Variants in CUBN observed in about 807,000 individuals in gnomAD.
The protein encoded by CUBN is cubilin.
A neutral mutation model predicts 405.3 loss-of-function variants in CUBN; 282 were observed. That is an observed-to-expected ratio of 0.70 (90% CI 0.63 to 0.77). CUBN has a LOEUF of 0.77. CUBN is among the 30% of genes least tolerant of loss of function. The pLI is 0.00. For missense variants in CUBN, 4,514 were observed against 4,475.2 expected (o/e 1.01, Z -0.25); for synonymous variants, 1,684 against 1,617.0 (o/e 1.04, Z -0.99).
chr10:16,923,171 T>C (rs1352014737), intron 43 of CUBN, among the ~76,000 whole-genome samples: 1 of 151,978 alleles, frequency 6.6e-6, no homozygotes, highest in Non-Finnish European at 1.5e-5. Context: ...TTTGCTTGTC[T>C]GTCTCCTTTA....
At chr10:16,828,397 C>A (rs1384915215) in intron 66 of CUBN, among the ~76,000 whole-genome samples, 1 of 152,234 alleles carries the variant, frequency 6.6e-6, no homozygotes, top group Non-Finnish European at 1.5e-5. Flanking sequence ...GGCTGTGCTT[C>A]TTCCTCTGCA....
At chr10:17,076,711 C>A (rs725396) in intron 17 of CUBN, among the ~76,000 whole-genome samples, 4,983 of 152,196 alleles carry the variant, frequency 0.033, 243 homozygotes, top group East Asian at 0.19. Context: ...AAAAGTGATA[C>A]ACCAATTTCC....
At chr10:17,054,944 A>T (rs1002604276) in intron 22 of CUBN, among the ~76,000 whole-genome samples, 24 of 152,108 alleles carry the variant, frequency 1.6e-4, no homozygotes, top group African/African-American at 5.8e-4. Context: ...CTAACTAACA[A>T]GACCAATATT....
In CUBN at chr10:16,827,182, G is replaced by A. The variant is rs563776806; in HGVS notation, c.10764+1623C>T. Among the ~76,000 whole-genome samples the A allele has an allele frequency of 2.1e-3, 326 of 152,218 alleles. 2 individuals are homozygous for A. Among genetic ancestry groups the A allele is most frequent in the African/African-American group, 7.0e-3 (292 of 41,554 alleles). ...TGCAAAAAGTTCAAGAGACCTAAATGTCCACTTAGAGGGGCTTCATTAAAT... is the reference window on the plus strand; with the variant it reads ...TGCAAAAAGTTCAAGAGACCTAAATATCCACTTAGAGGGGCTTCATTAAAT... On this transcript the variant is annotated intron_variant, in intron 66 of 66. Transcript: ENST00000377833.
chr10:16,869,848 C>T lies in CUBN; in HGVS notation c.9242G>A (p.Ser3081Asn). ...SDDKVIELKF[S>N]DFDVVPSTSC... Reference sequence around the variant, plus strand: ...GGTGGAGGGAACCACATCAAAATCACTGAACCTGTGAAATGTACCTTGTTA... The same window carrying T: ...GGTGGAGGGAACCACATCAAAATCATTGAACCTGTGAAATGTACCTTGTTA... Residue 3081 changes from serine to asparagine, a missense_variant, in exon 59 of 67, where the codon AGT becomes AAT. By Grantham distance (46) the Ser-to-Asn change is conservative (BLOSUM62 1). This residue lies in a region of CUBN where 1,186 missense variants were observed against 1,186.9 expected (regional missense o/e 1.00). Transcript: ENST00000377833. 1 of 1,608,032 alleles carries T rather than the reference C, an allele frequency of 6.2e-7. No homozygotes were observed. Among genetic ancestry groups the T allele is most frequent in the Non-Finnish European group, 8.5e-7 (1 of 1,174,492 alleles).
At chr10:16,876,775 A>G (rs985807850) in intron 57 of CUBN, 122 bp downstream of exon 57, 8 of 901,468 alleles carry the variant, frequency 8.9e-6, no homozygotes, top group African/African-American at 3.3e-5. Context: ...CTCACTGACA[A>G]TCTTTTTCCC....
rs373020865 is a variant in CUBN, at chr10:16,902,029, G to GTGTA, written c.8063-571_8063-570insTACA. On this transcript the variant is annotated intron_variant, in intron 51 of 66. Coordinates refer to ENST00000377833, the MANE Select transcript of CUBN (RefSeq NM_001081.4). ...TATACACACACACCATATATAGTGT[G>GTGTA]TATATATATATATACACACACCATA... Among the ~76,000 whole-genome samples the GTGTA allele has an allele frequency of 7.2e-4, 86 of 120,090 alleles. 1 individual carries two copies. The highest frequency in any genetic ancestry group is 2.8e-3 in the African/African-American group (86 of 31,098). 78.8% of individuals were successfully genotyped at this position (120,090 alleles called of 152,430 possible).
At chr10:16,928,889 CA>C (rs1203693047) in intron 40 of CUBN, among the ~76,000 whole-genome samples, 2 of 151,872 alleles carry the variant, frequency 1.3e-5, no homozygotes, top group African/African-American at 4.8e-5. Flanking sequence ...CACTAAAACT[CA>C]AAATCAGAGT....
At chr10:16,977,521 C>G (rs1452399470) in intron 31 of CUBN, among the ~76,000 whole-genome samples, 1 of 152,216 alleles carries the variant, frequency 6.6e-6, no homozygotes, top group Admixed American at 6.5e-5. Context: ...TTTCCACCCC[C>G]TTTCCAGCTC....
chr10:17,054,814 T>C (rs1435453255), intron 22 of CUBN, among the ~76,000 whole-genome samples: 3 of 152,078 alleles, frequency 2.0e-5, no homozygotes, highest in Non-Finnish European at 4.4e-5. Flanking sequence ...AAATTTGTAA[T>C]ATAAAACCTT....
At chr10:16,971,592 A>G (rs140646132) in intron 31 of CUBN, among the ~76,000 whole-genome samples, 34 of 152,316 alleles carry the variant, frequency 2.2e-4, no homozygotes, top group African/African-American at 7.9e-4. Context: ...CAATTTATGC[A>G]ATTTTTAACA....
At chr10:16,858,552 C>A (rs562378696) in intron 59 of CUBN, among the ~76,000 whole-genome samples, 3 of 149,988 alleles carry the variant, frequency 2.0e-5, no homozygotes, top group African/African-American at 7.6e-5. Flanking sequence ...GAACTCCTGG[C>A]CTCAAGGGAT....
intron 65 of CUBN, among the ~76,000 whole-genome samples, chr10:16,829,938 TTTTG>T (rs1838929829): frequency 6.8e-6 from 1 of 147,588 alleles, no homozygotes; most frequent in Non-Finnish European, 1.5e-5. Context: ...GTTTTTTTTG[TTTTG>T]TTTTTTTTTT....
At chr10:17,053,269 A>C (rs867944812) in intron 22 of CUBN, among the ~76,000 whole-genome samples, 1 of 152,036 alleles carries the variant, frequency 6.6e-6, no homozygotes, top group Non-Finnish European at 1.5e-5. Flanking sequence ...ACTTCAACTA[A>C]AACACAGAAA....
chr10:17,020,081 A>G (rs1834450183), intron 27 of CUBN, 98 bp from the exon 28 acceptor site: 3 of 1,374,684 alleles, frequency 2.2e-6, no homozygotes, highest in African/African-American at 2.8e-5. Flanking sequence ...CCTTGGTTCA[A>G]AAGTTAGAGG....
At position 16,990,488 on chromosome 10, in the gene CUBN, G is replaced by C; in HGVS notation, c.4196C>G (p.Thr1399Arg). ...GAACCCGGGGCTGCTGAAGGAGCCT[G>C]TGGCCCCAGACAGCTCTCCACCACA... ...YGCGGELSGA[T>R]GSFSSPGFPN... The change falls in exon 29 of 67, where the codon ACA becomes AGA. Residue 1399 changes from threonine to arginine, a missense_variant. Around this residue, in one of 5 missense-constraint regions of CUBN, gnomAD observed 1,613 missense variants for 1,542.8 expected, o/e 1.05. Coordinates refer to ENST00000377833, the MANE Select transcript of CUBN (RefSeq NM_001081.4). The C allele has an allele frequency of 6.2e-7, 1 of 1,614,182 alleles. No homozygotes were observed. The highest frequency in any genetic ancestry group is 1.1e-5 in the South Asian group (1 of 91,078).
intron 49 of CUBN, 51 bp downstream of exon 49, chr10:16,907,457 T>A (rs774283994): frequency 1.3e-6 from 2 of 1,560,758 alleles, no homozygotes; most frequent in Non-Finnish European, 1.8e-6. Context: ...GATGGGGGCA[T>A]CTGCAGTGCC....
In CUBN at chr10:16,842,370, G is replaced by A. The variant is rs1198044356; in HGVS notation, c.9664-1323C>T. 5.9e-5 allele frequency among the ~76,000 whole-genome samples: 9 copies of A among 152,286 alleles called. No homozygotes were observed. The South Asian group carries it at 8.3e-4, about 14-fold the overall frequency. ...CCAGTTTTTAGAAAAGTGTCTGCACGTGAGAGGCTCTCAATAAATATCTAA... is the reference window on the plus strand; with the variant it reads ...CCAGTTTTTAGAAAAGTGTCTGCACATGAGAGGCTCTCAATAAATATCTAA... On this transcript the variant is annotated intron_variant, in intron 60 of 66. Coordinates refer to ENST00000377833, the MANE Select transcript of CUBN (RefSeq NM_001081.4).
chr10:17,013,687 C>T (rs568124274), intron 28 of CUBN, among the ~76,000 whole-genome samples: 1 of 152,346 alleles, frequency 6.6e-6, no homozygotes, highest in South Asian at 2.1e-4. Context: ...AGCATACTTG[C>T]TATCTGTATA....
Sources: allele counts gnomAD v4.1 joint callset (sites outside exome capture counted in the v4.1 genomes callset), GRCh38; gene constraint gnomAD v4.1.1; regional missense constraint gnomAD v4.1.1; transcripts MANE v1.5; gene names NCBI Gene and HGNC (gene_info 2026-07-23, HGNC 2026-07-21).